The following EIF2AK4 variants were observed in gnomAD, a reference collection of about 807,000 sequenced individuals.
EIF2AK4 encodes the protein eukaryotic translation initiation factor 2 alpha kinase 4.
A neutral mutation model predicts 211.1 loss-of-function variants in EIF2AK4; 139 were observed. That is an observed-to-expected ratio of 0.66 (90% CI 0.57 to 0.76). EIF2AK4 has a LOEUF of 0.76. Ranked by LOEUF, EIF2AK4 falls within the 30% of genes least tolerant of loss-of-function variation. The probability of loss-of-function intolerance (pLI) is 0.00; values close to 1 mark genes in which losing one functional copy is unlikely to be tolerated. For synonymous variants in EIF2AK4, 710 were observed against 751.3 expected (o/e 0.94, Z 0.90); for missense variants, 1,664 against 2,043.8 (o/e 0.81, Z 3.58).
chr15:39,954,409 C>T (rs144675457), intron 5 of EIF2AK4, among the ~76,000 whole-genome samples: 1 of 152,270 alleles, frequency 6.6e-6, no homozygotes, highest in East Asian at 1.9e-4. Flanking sequence ...TATGCCACTA[C>T]GCCTGGCTAA....
Position 40,002,860 on chromosome 15 carries a change from T to C in EIF2AK4, c.3235+72T>C, listed in dbSNP as rs1165171126. 25 of 1,489,260 alleles carry C rather than the reference T, an allele frequency of 1.7e-5. No individual in the cohort carries two copies. The Middle Eastern group carries it at 5.2e-4, about 31-fold the overall frequency. 92.3% of individuals were successfully genotyped at this position (1,489,260 alleles called of 1,614,324 possible). On this transcript the variant is annotated intron_variant, in intron 22 of 38. Coordinates refer to ENST00000263791, the MANE Select transcript of EIF2AK4 (RefSeq NM_001013703.4). ...TTTCATCATTAGAAAGTACTGTTAG[T>C]GTTCGGGCATATCATATTTTACTTT...
At chr15:39,938,200 C>A (rs77368811) in intron 1 of EIF2AK4, among the ~76,000 whole-genome samples, 17 of 152,230 alleles carry the variant, frequency 1.1e-4, no homozygotes, top group Middle Eastern at 3.4e-3. Flanking sequence ...TTCTCACCTC[C>A]GTGGACTAAG....
At chr15:39,972,185 C>T (rs762035247) in intron 9 of EIF2AK4, among the ~76,000 whole-genome samples, 15 of 151,734 alleles carry the variant, frequency 9.9e-5, no homozygotes, top group Non-Finnish European at 1.8e-4. Flanking sequence ...GTGGTGAAAC[C>T]CTATCTCTAC....
Position 39,976,751 on chromosome 15 carries a change from C to G in EIF2AK4, c.2156C>G (p.Ala719Gly). The change falls in exon 12 of 39, where the codon GCC becomes GGC. Residue 719 changes from alanine to glycine, a missense_variant. Physicochemically the swap from Ala to Gly is moderately conservative, Grantham distance 60 (BLOSUM62 0). This residue lies in a region of EIF2AK4 where 206 missense variants were observed against 201.9 expected (regional missense o/e 1.02). Transcript: ENST00000263791. ...VEWSTSGERS[A>G]SARFPATGPG... ...TGGAGCACTTCGGGCGAGCGCTCGG[C>G]CAGTGCCCGTTTCCCCGCCACCGGC... 2 of 1,598,996 alleles carry G rather than the reference C, an allele frequency of 1.3e-6. No homozygotes were observed. The highest frequency in any genetic ancestry group is 1.7e-6 in the Non-Finnish European group (2 of 1,175,718).
At position 40,007,048 on chromosome 15, in the gene EIF2AK4, T is replaced by C. The variant is rs777861125; in HGVS notation, c.3390T>C (p.Asn1130=). The change falls in exon 24 of 39, where the codon AAT becomes AAC. Residue 1130 remains asparagine, a synonymous_variant. Transcript: ENST00000263791. ...TTGCAAGATATGTGGCAAGAAATAA[T>C]ATATTGAATTTAAAACGGTAAGAAA... ...IPFARYVARN[N]ILNLKRYCIE... 1.9e-6 allele frequency: 3 copies of C among 1,596,130 alleles called. No homozygotes were observed. The highest frequency in any genetic ancestry group is 2.7e-5 in the African/African-American group (2 of 74,596).
chr15:39,967,490 T>C lies in EIF2AK4; in HGVS notation c.1164T>C (p.Ala388=), dbSNP rs2034560423. ...LVEHISGVSL[A]AHLSHSGPIP... is the part of the protein sequence containing the mutation. ...AGCACATTAGTGGGGTCTCTCTTGCTGCACACCTGAGCCACTCAGGCCCCA... is the reference window on the plus strand; with the variant it reads ...AGCACATTAGTGGGGTCTCTCTTGCCGCACACCTGAGCCACTCAGGCCCCA... Residue 388 remains alanine (A), a synonymous_variant, in exon 9 of 39, where the codon GCT becomes GCC. Transcript: ENST00000263791. 6.2e-7 allele frequency: 1 copy of C among 1,614,158 alleles called. No homozygotes were observed. The highest frequency in any genetic ancestry group is 8.5e-7 in the Non-Finnish European group (1 of 1,180,036).
At chr15:39,943,349 CTCTT>C (rs1190187910) in intron 2 of EIF2AK4, 30 bp from the exon 3 acceptor site, 3 of 1,117,416 alleles carry the variant, frequency 2.7e-6, no homozygotes, top group Non-Finnish European at 3.7e-6. Flanking sequence ...TCTGGAGTAA[CTCTT>C]TTTTTTTTTT....
intron 19 of EIF2AK4, 86 bp downstream of exon 19, chr15:39,997,151 G>C: frequency 9.7e-7 from 1 of 1,030,666 alleles, no homozygotes; most frequent in East Asian, 2.4e-5. Context: ...ATATTTTTCT[G>C]GTATTTATAA....
intron 32 of EIF2AK4, among the ~76,000 whole-genome samples, chr15:40,023,550 T>C (rs1203189726): frequency 6.6e-6 from 1 of 152,222 alleles, no homozygotes; most frequent in Non-Finnish European, 1.5e-5. Flanking sequence ...CCCGGAACTT[T>C]TCCATTTCGT....
intron 35 of EIF2AK4, among the ~76,000 whole-genome samples, chr15:40,031,293 T>C (rs1011860191): frequency 6.6e-6 from 1 of 152,194 alleles, no homozygotes. Flanking sequence ...ATATGAATGT[T>C]AGAGTATGCT....
intron 28 of EIF2AK4, 48 bp from the exon 29 acceptor site, chr15:40,017,060 T>G: frequency 1.3e-6 from 2 of 1,593,174 alleles, no homozygotes; most frequent in Non-Finnish European, 1.7e-6. Context: ...TATTCCACAT[T>G]CTAAATTTCA....
chr15:40,017,501 C>CTTTATATATATATATATA lies in EIF2AK4; in HGVS notation c.4065+260_4065+261insTTATATATATATATATAT, dbSNP rs1363648720. The stretch of plus-strand genomic sequence containing the variant: ...GGCTCATGTACCCTTTACTCTGTTT[C>CTTTATATATATATATATA]TATATATATATATATATATATATAT... On this transcript the variant is annotated intron_variant, in intron 29 of 38. Coordinates refer to ENST00000263791, the MANE Select transcript of EIF2AK4 (RefSeq NM_001013703.4). 3.8e-4 allele frequency among the ~76,000 whole-genome samples: 10 copies of CTTTATATATATATATATA among 26,122 alleles called. 1 individual carries two copies. The highest frequency in any genetic ancestry group is 1.4e-3 in the Admixed American group (3 of 2,208). The allele number at this position is 26,122 out of a possible 152,430, so 17.1% of individuals were successfully genotyped here.
intron 32 of EIF2AK4, among the ~76,000 whole-genome samples, chr15:40,025,172 C>A (rs1309218936): frequency 2.6e-5 from 4 of 152,118 alleles, no homozygotes; most frequent in Non-Finnish European, 5.9e-5. Context: ...CAGCAGAGAA[C>A]CATTCTGGTA....
In EIF2AK4 at chr15:39,972,892, C is replaced by G; in HGVS notation, c.1554-16C>G. ...ATTGTTTGTGATGCTAAGATTCTTC[C>G]TTCCCTCTCACCGAGATGTGTGTGC... On this transcript the variant is annotated splice_polypyrimidine_tract_variant and intron_variant, in intron 9 of 38. Coordinates refer to ENST00000263791, the MANE Select transcript of EIF2AK4 (RefSeq NM_001013703.4). 1 of 1,605,892 alleles carries G rather than the reference C, an allele frequency of 6.2e-7. No homozygotes were observed. The highest frequency in any genetic ancestry group is 2.2e-5 in the East Asian group (1 of 44,806).
intron 32 of EIF2AK4, among the ~76,000 whole-genome samples, chr15:40,025,023 C>T (rs2035447861): frequency 6.6e-6 from 1 of 152,142 alleles, no homozygotes; most frequent in Non-Finnish European, 1.5e-5. Context: ...ACATAAGAGG[C>T]AGCAGTGAAG....
At chr15:39,993,198 G>GTCCGTCCATCCATCCATCCA (rs2034974348) in intron 18 of EIF2AK4, among the ~76,000 whole-genome samples, 2 of 144,946 alleles carry the variant, frequency 1.4e-5, no homozygotes, top group Admixed American at 6.9e-5. Context: ...CCATCCGTCC[G>GTCCGTCCATCCATCCATCCA]TCCGTCCATC....
chr15:40,013,465 C>T (rs2035264016), intron 27 of EIF2AK4, among the ~76,000 whole-genome samples: 1 of 152,204 alleles, frequency 6.6e-6, no homozygotes, highest in Non-Finnish European at 1.5e-5. Context: ...CACAGTTCCA[C>T]ATGGCTGGGG....
intron 3 of EIF2AK4, chr15:39,946,859 G>A (rs2034235286): frequency 3.5e-6 from 2 of 566,338 alleles, no homozygotes; most frequent in South Asian, 2.3e-5. Flanking sequence ...ATGATCATTA[G>A]CATTTTTTAG....
At chr15:39,946,631 C>G in intron 3 of EIF2AK4, 1 of 700,864 alleles carries the variant, frequency 1.4e-6, no homozygotes, top group East Asian at 2.7e-5. Flanking sequence ...GAAAGAAGTT[C>G]AAGTGTGACT....
Sources: allele counts gnomAD v4.1 joint callset (sites outside exome capture counted in the v4.1 genomes callset), GRCh38; gene constraint gnomAD v4.1.1; regional missense constraint gnomAD v4.1.1; transcripts MANE v1.5; gene names NCBI Gene and HGNC (gene_info 2026-07-23, HGNC 2026-07-21).